FBXO31: variants seen among roughly 807,000 people sequenced by gnomAD.
The protein encoded by FBXO31 is F-box protein 31, also known as F-box only protein 31.
FBXO31 carries 24 observed loss-of-function variants against 54.4 expected under a neutral mutation model. That is an observed-to-expected ratio of 0.44 (90% CI 0.32 to 0.62). FBXO31 has a LOEUF of 0.62. Among genes scored for constraint, FBXO31 ranks in the 20% least tolerant of loss-of-function variants. The pLI, the probability that FBXO31 is intolerant of heterozygous loss-of-function variation, is 0.05. For synonymous variants in FBXO31, 388 were observed against 335.6 expected (o/e 1.16, Z -1.71); for missense variants, 665 against 787.1 (o/e 0.84, Z 1.86).
At chr16:87,366,278 G>T (rs1906365352) in intron 1 of FBXO31, among the ~76,000 whole-genome samples, 1 of 152,192 alleles carries the variant, frequency 6.6e-6, no homozygotes, top group Non-Finnish European at 1.5e-5. Context: ...AGAGAAGACG[G>T]TCACAACTGG....
chr16:87,388,912 A>G (rs1347497338), intron 1 of FBXO31, among the ~76,000 whole-genome samples: 3 of 152,242 alleles, frequency 2.0e-5, no homozygotes, highest in African/African-American at 7.2e-5. Context: ...ATGGATTATT[A>G]CAGGGAACAT....
Position 87,346,123 on chromosome 16 carries a change from G to C in FBXO31, c.489+1051C>G, listed in dbSNP as rs1905375431. ...TAGAGTCACGGACGGCCTCCGGCTG[G>C]GCCCTACAGAGGGTTGTGTCCTGGG... On this transcript the variant is annotated intron_variant, in intron 3 of 8. Transcript: ENST00000311635. The surrounding 1 kb of genome is among the most constrained non-coding windows in gnomAD (Gnocchi z 4.2). Among the ~76,000 whole-genome samples, 1 of 152,196 alleles carries C rather than the reference G, an allele frequency of 6.6e-6. No individual in the cohort carries two copies. The highest frequency in any genetic ancestry group is 1.5e-5 in the Non-Finnish European group (1 of 68,030).
At chr16:87,365,830 C>A (rs969775267) in intron 1 of FBXO31, among the ~76,000 whole-genome samples, 1 of 152,164 alleles carries the variant, frequency 6.6e-6, no homozygotes, top group Non-Finnish European at 1.5e-5. Context: ...GAGTTCAAGG[C>A]CAGCCTGGCC....
upstream of FBXO31, among the ~76,000 whole-genome samples, chr16:87,390,402 G>T (rs1907485998): frequency 6.6e-6 from 1 of 152,050 alleles, no homozygotes; most frequent in African/African-American, 2.4e-5. Flanking sequence ...TTCTCTAGAA[G>T]AAATCCCAAC....
chr16:87,364,354 C>A (rs1192582025), intron 1 of FBXO31, among the ~76,000 whole-genome samples: 1 of 152,246 alleles, frequency 6.6e-6, no homozygotes, highest in Non-Finnish European at 1.5e-5. Flanking sequence ...AATCACAGGG[C>A]ACTCTAGTGA....
chr16:87,347,074 G>C, intron 3 of FBXO31, 100 bp downstream of exon 3: 1 of 1,073,418 alleles, frequency 9.3e-7, no homozygotes, highest in Non-Finnish European at 1.4e-6. Context: ...ACGCACATCT[G>C]GGCCAGCTTG....
At chr16:87,386,963 C>T (rs1460981007), upstream of FBXO31, among the ~76,000 whole-genome samples, 1 of 151,926 alleles carries the variant, frequency 6.6e-6, no homozygotes, top group African/African-American at 2.4e-5. Flanking sequence ...AGGCTGTGTA[C>T]CCAAAGTTGT....
intron 3 of FBXO31, among the ~76,000 whole-genome samples, chr16:87,344,392 G>A (rs1023843224): frequency 1.3e-5 from 2 of 152,240 alleles, no homozygotes; most frequent in Non-Finnish European, 2.9e-5. Context: ...TCCGGGCGCC[G>A]ATCGTGCAAA....
At chr16:87,368,227 G>A (rs541688307) in intron 1 of FBXO31, among the ~76,000 whole-genome samples, 1 of 152,154 alleles carries the variant, frequency 6.6e-6, no homozygotes, top group South Asian at 2.1e-4. Flanking sequence ...TCACCAAAAG[G>A]TCACGACAAA....
upstream of FBXO31, among the ~76,000 whole-genome samples, chr16:87,391,171 C>T (rs1484099493): frequency 2.6e-5 from 4 of 152,190 alleles, no homozygotes; most frequent in South Asian, 4.2e-4. Flanking sequence ...GGCAACACAG[C>T]GAGATCCCGG....
chr16:87,360,484 A>G (rs539485404), intron 1 of FBXO31, 118 bp from the exon 2 acceptor site: 1 of 771,090 alleles, frequency 1.3e-6, no homozygotes, highest in African/African-American at 1.7e-5. Flanking sequence ...CCATCTCCAG[A>G]GTGCATCTGT....
At chr16:87,339,679 C>A (rs565620561) in intron 5 of FBXO31, among the ~76,000 whole-genome samples, 1 of 152,178 alleles carries the variant, frequency 6.6e-6, no homozygotes, top group Admixed American at 6.5e-5. Context: ...ATCACACAAA[C>A]GGCAGCACCC....
upstream of FBXO31, among the ~76,000 whole-genome samples, chr16:87,387,270 A>C (rs1424987277): frequency 6.6e-6 from 1 of 152,222 alleles, no homozygotes; most frequent in African/African-American, 2.4e-5. Context: ...CGTCCTTGGA[A>C]CACGTTTACA....
chr16:87,370,519 A>C (rs1906554684), intron 1 of FBXO31, among the ~76,000 whole-genome samples: 3 of 152,210 alleles, frequency 2.0e-5, no homozygotes, highest in African/African-American at 7.2e-5. Context: ...TGCAGAGTTC[A>C]GCTGGTAGGG....
In FBXO31 at chr16:87,331,444, G is replaced by A. The variant is rs150576543; in HGVS notation, c.1464C>T (p.Phe488=). ...CGAAGCGGTCCTCATCGAAGAGGAT[G>A]AAGACCCCGGGGGTGCGTTCAGGGC... The part of the protein sequence containing the change: ...FTSPERTPGV[F]ILFDEDRFGF... Residue 488 remains phenylalanine, a synonymous_variant, in exon 9 of 9, where the codon TTC becomes TTT. Transcript: ENST00000311635. 2.3e-5 allele frequency: 37 copies of A among 1,613,638 alleles called. No homozygotes were observed. Among genetic ancestry groups the A allele is most frequent in the African/African-American group, 4.0e-5 (3 of 74,946 alleles).
At chr16:87,360,922 C>T (rs1038010249) in intron 1 of FBXO31, among the ~76,000 whole-genome samples, 1 of 152,180 alleles carries the variant, frequency 6.6e-6, no homozygotes, top group Non-Finnish European at 1.5e-5. Context: ...CTGGACACCT[C>T]CCGCAACCCC....
intron 5 of FBXO31, 63 bp downstream of exon 5, chr16:87,342,814 C>G (rs752709044): frequency 6.9e-7 from 1 of 1,451,638 alleles, no homozygotes; most frequent in Non-Finnish European, 9.4e-7. Flanking sequence ...TGGGTCTGTA[C>G]TTTCCCCGTG....
chr16:87,390,759 CT>C (rs1483335039), upstream of FBXO31, among the ~76,000 whole-genome samples: 3 of 152,040 alleles, frequency 2.0e-5, no homozygotes, highest in Non-Finnish European at 4.4e-5. Context: ...TATTTTCATA[CT>C]TTTTTTCTTC....
chr16:87,335,540 T>TG lies in FBXO31; in HGVS notation c.843-84dup. ...CGCCCAAGGTGCCAGGGATGAGCTT[T>TG]GCAGGGCGGGGTAGGGCGGGCAGCT... On this transcript the variant is annotated intron_variant, in intron 6 of 8. Coordinates refer to ENST00000311635, the MANE Select transcript of FBXO31 (RefSeq NM_024735.5). The surrounding 1 kb of genome is among the most constrained non-coding windows in gnomAD (Gnocchi z 5.7). 1.6e-6 allele frequency: 1 copy of TG among 640,730 alleles called. No homozygotes were observed. 39.7% of individuals were successfully genotyped at this position (640,730 alleles called of 1,614,324 possible). A position where few individuals can be genotyped will look rare whatever the true frequency, so the allele number is the denominator to read the frequency against.
Sources: gnomAD v4.1 joint callset for allele counts (sites outside exome capture counted in the v4.1 genomes callset) on GRCh38, gnomAD v4.1.1 for gene constraint, Gnocchi (gnomAD v3.1) non-coding constraint, MANE v1.5 for transcripts, NCBI Gene and HGNC (gene_info 2026-07-23, HGNC 2026-07-21) for gene names.